Variants in LRP1B observed in about 807,000 individuals in gnomAD.
LRP1B encodes LDL receptor related protein 1B.
Under a neutral mutation model 556.6 loss-of-function variants are expected in LRP1B, and 217 were observed. The ratio of observed to expected loss-of-function variants is 0.39; its 90% confidence interval spans 0.35 to 0.44. The LOEUF is 0.44. Among genes scored for constraint, LRP1B ranks in the 20% least tolerant of loss-of-function variants. The pLI is 1.00. For missense variants in LRP1B, 5,053 were observed against 5,620.8 expected (o/e 0.90, Z 3.23); for synonymous variants, 2,047 against 1,865.8 (o/e 1.10, Z -2.50).
intron 3 of LRP1B, among the ~76,000 whole-genome samples, chr2:141,266,323 CAAAAAAAA>C (rs34877238): frequency 2.7e-5 from 2 of 73,284 alleles, no homozygotes; most frequent in Non-Finnish European, 5.2e-5. Flanking sequence ...GACTCTGTTT[CAAAAAAAA>C]AAAAAAAAAA....
intron 77 of LRP1B, among the ~76,000 whole-genome samples, chr2:140,350,370 G>A (rs773354755): frequency 1.2e-4 from 18 of 151,948 alleles, no homozygotes; most frequent in Non-Finnish European, 2.5e-4. Flanking sequence ...TTGATGTCCT[G>A]CCCTACAGTA....
At chr2:140,627,016 G>T (rs1456636168) in intron 41 of LRP1B, among the ~76,000 whole-genome samples, 1 of 152,140 alleles carries the variant, frequency 6.6e-6, no homozygotes, top group South Asian at 2.1e-4. Flanking sequence ...TTGACAAGAA[G>T]TGTAAGAAGT....
intron 46 of LRP1B, 84 bp from the exon 47 acceptor site, chr2:140,534,224 C>T: frequency 2.4e-6 from 3 of 1,243,792 alleles, no homozygotes; most frequent in Non-Finnish European, 3.4e-6. Flanking sequence ...ATATTTCATT[C>T]ATAATGACTG....
At chr2:140,872,615 G>A (rs1007213254) in intron 25 of LRP1B, among the ~76,000 whole-genome samples, 3 of 151,736 alleles carry the variant, frequency 2.0e-5, no homozygotes, top group Admixed American at 1.3e-4. Flanking sequence ...CTAAATAAAT[G>A]TGGTCTCCTT....
At chr2:140,465,077 A>G (rs1434197118) in intron 60 of LRP1B, among the ~76,000 whole-genome samples, 2 of 152,182 alleles carry the variant, frequency 1.3e-5, no homozygotes, top group Non-Finnish European at 2.9e-5. Context: ...TACAAGCAGC[A>G]TGGTGCTGGC....
intron 1 of LRP1B, among the ~76,000 whole-genome samples, chr2:141,954,585 AC>A (rs1484216740): frequency 6.6e-6 from 1 of 152,102 alleles, no homozygotes; most frequent in Non-Finnish European, 1.5e-5. Flanking sequence ...ATATAAATTA[AC>A]ATGTTTTCTG....
intron 1 of LRP1B, among the ~76,000 whole-genome samples, chr2:142,038,123 C>A (rs1380696677): frequency 2.6e-5 from 4 of 151,482 alleles, no homozygotes; most frequent in African/African-American, 9.7e-5. Context: ...TCTTAAGTTT[C>A]ATCTTATTGA....
At chr2:140,648,235 A>G (rs928493387) in intron 41 of LRP1B, among the ~76,000 whole-genome samples, 1 of 152,084 alleles carries the variant, frequency 6.6e-6, no homozygotes, top group Non-Finnish European at 1.5e-5. Flanking sequence ...TGGGAAGTGA[A>G]CAATGAGAAC....
intron 2 of LRP1B, among the ~76,000 whole-genome samples, chr2:141,576,310 C>T (rs1447099401): frequency 1.3e-5 from 2 of 152,118 alleles, no homozygotes; most frequent in East Asian, 1.9e-4. Flanking sequence ...CTATCATACT[C>T]AGCAAACTAA....
chr2:141,361,130 C>T (rs1688811650), intron 3 of LRP1B, among the ~76,000 whole-genome samples: 1 of 151,964 alleles, frequency 6.6e-6, no homozygotes, highest in African/African-American at 2.4e-5. Context: ...AAATCAGACA[C>T]CAAACTATAT....
chr2:142,063,564 CA>C (rs1704995782), intron 1 of LRP1B, among the ~76,000 whole-genome samples: 1 of 151,600 alleles, frequency 6.6e-6, no homozygotes, highest in Non-Finnish European at 1.5e-5. Flanking sequence ...TAAGTTATAA[CA>C]GATCTTTTCT....
At chr2:140,658,752 C>G (rs1262267286) in intron 41 of LRP1B, among the ~76,000 whole-genome samples, 3 of 151,886 alleles carry the variant, frequency 2.0e-5, no homozygotes, top group African/African-American at 7.3e-5. Flanking sequence ...GGGTTCTTTG[C>G]GGGTTCTGTA....
At chr2:141,605,610 C>G (rs1024678360) in intron 2 of LRP1B, among the ~76,000 whole-genome samples, 1 of 152,172 alleles carries the variant, frequency 6.6e-6, no homozygotes, top group Non-Finnish European at 1.5e-5. Flanking sequence ...GCCTAATACT[C>G]AGCCCATTAC....
Position 140,601,629 on chromosome 2 carries a change from A to G in LRP1B, c.6810T>C (p.Ser2270=). 1 of 1,585,436 alleles carries G rather than the reference A, an allele frequency of 6.3e-7. No individual in the cohort carries two copies. Among genetic ancestry groups the G allele is most frequent in the South Asian group, 1.2e-5 (1 of 85,580 alleles). ...DRQVIVENVG[S]VEGLAYHRAW... ...CTCTGTGATAGGCAAGTCCTTCCAC[A>G]GAACCCACATCTAGTGGGGGAAGAA... The change falls in exon 42 of 91, where the codon TCT becomes TCC. Residue 2270 remains serine (S), a synonymous_variant. Coordinates refer to ENST00000389484, the MANE Select transcript of LRP1B (RefSeq NM_018557.3).
chr2:140,526,415 T>G, intron 47 of LRP1B, 65 bp from the exon 48 acceptor site: 1 of 1,009,586 alleles, frequency 9.9e-7, no homozygotes, highest in Non-Finnish European at 1.5e-6. Flanking sequence ...TTTTACATTT[T>G]GAATATTTCA....
chr2:140,974,234 C>T (rs1203979235), intron 18 of LRP1B, among the ~76,000 whole-genome samples: 1 of 152,118 alleles, frequency 6.6e-6, no homozygotes, highest in Non-Finnish European at 1.5e-5. Flanking sequence ...AATTAATTAC[C>T]CTCTGAAATG....
intron 43 of LRP1B, among the ~76,000 whole-genome samples, chr2:140,555,201 A>G (rs984963139): frequency 5.4e-5 from 8 of 149,268 alleles, no homozygotes; most frequent in Non-Finnish European, 7.4e-5. Context: ...TAATCTTTCA[A>G]ATTGAGATTC....
chr2:142,039,110 T>C (rs1485757565), intron 1 of LRP1B, among the ~76,000 whole-genome samples: 1 of 151,580 alleles, frequency 6.6e-6, no homozygotes, highest in Non-Finnish European at 1.5e-5. Context: ...TCCCCCTTTC[T>C]TGGCACTATC....
chr2:140,652,093 T>C (rs1280869014), intron 41 of LRP1B, among the ~76,000 whole-genome samples: 1 of 151,726 alleles, frequency 6.6e-6, no homozygotes, highest in Non-Finnish European at 1.5e-5. Flanking sequence ...AAAGGAAAAA[T>C]GTTTTTAAAA....
Sources: allele counts gnomAD v4.1 joint callset (sites outside exome capture counted in the v4.1 genomes callset), GRCh38; gene constraint gnomAD v4.1.1; transcripts MANE v1.5; gene names NCBI Gene and HGNC (gene_info 2026-07-23, HGNC 2026-07-21).